Variants in NEB observed in about 807,000 individuals in gnomAD.
NEB encodes nebulin.
NEB carries 512 observed loss-of-function variants against 952.2 expected under a neutral mutation model. The observed-to-expected ratio is 0.54, with a 90% CI of 0.50 to 0.58. NEB has a LOEUF of 0.58. NEB is among the 20% of genes least tolerant of loss of function. The pLI is 0.00. For missense variants in NEB, 8,428 were observed against 9,231.1 expected (o/e 0.91, Z 3.56); for synonymous variants, 2,900 against 3,149.8 (o/e 0.92, Z 2.66).
intron 37 of NEB, 58 bp downstream of exon 37, chr2:151,672,311 G>T (rs2099311118): frequency 2.0e-5 from 29 of 1,442,568 alleles, no homozygotes; most frequent in Non-Finnish European, 2.7e-5. Flanking sequence ...TAATAAAAGC[G>T]AGAAGTGATC....
At chr2:151,656,521 T>A in intron 48 of NEB, 57 bp from the exon 49 acceptor site, 1 of 1,069,306 alleles carries the variant, frequency 9.4e-7, no homozygotes, top group Non-Finnish European at 1.3e-6. Flanking sequence ...AAAATCGATC[T>A]AGTGTCAATA....
At chr2:151,704,585 A>G (rs984851217) in intron 13 of NEB, among the ~76,000 whole-genome samples, 33 of 145,016 alleles carry the variant, frequency 2.3e-4, no homozygotes, top group Non-Finnish European at 1.1e-4. Flanking sequence ...TAAGCCGGTC[A>G]GAAAAGCGCA....
rs1256699377 is a variant in NEB at position 151,660,114 on chromosome 2, A to G, written c.5971-945T>C. On this transcript the variant is annotated intron_variant, in intron 46 of 181. Transcript: ENST00000397345. Reference sequence around the variant, plus strand: ...CCTTCCCAGATAACCACATTCAACAACTCATCGAAGTGGGGGTACAAAGAT... The same window carrying G: ...CCTTCCCAGATAACCACATTCAACAGCTCATCGAAGTGGGGGTACAAAGAT... Among the ~76,000 whole-genome samples the G allele has an allele frequency of 2.0e-5, 3 of 151,966 alleles. No individual in the cohort carries two copies. In the East Asian group the frequency reaches 5.8e-4, roughly 29 times the overall value.
chr2:151,724,500 C>G (rs897530946), intron 7 of NEB, 136 bp from the exon 8 acceptor site: 137 of 678,358 alleles, frequency 2.0e-4, no homozygotes, highest in Middle Eastern at 6.1e-4. Flanking sequence ...ATTGACCATG[C>G]CAACATCCTA....
At chr2:151,619,795 G>A in intron 72 of NEB, 33 bp from the exon 73 acceptor site, 3 of 1,572,978 alleles carry the variant, frequency 1.9e-6, no homozygotes, top group Non-Finnish European at 2.6e-6. Flanking sequence ...TAAGAAGGAA[G>A]CACAAAGGGC....
At position 151,524,399 on chromosome 2, in the gene NEB, T is replaced by A; in HGVS notation, c.22391A>T (p.Lys7464Met). 1 of 1,614,012 alleles carries A rather than the reference T, an allele frequency of 6.2e-7. No homozygotes were observed. Among genetic ancestry groups the A allele is most frequent in the Non-Finnish European group, 8.5e-7 (1 of 1,179,882 alleles). The change falls in exon 153 of 182, where the codon AAG becomes ATG. Residue 7464 changes from lysine to methionine, a missense_variant. This residue lies in a region of NEB where 3,374 missense variants were observed against 3,651.5 expected (regional missense o/e 0.92). Transcript: ENST00000397345. ...GCCATGGCTGCCTTCCTTGCGGTGC[T>A]TGGCTCTGTACTCCACCTGAATCAG... is the stretch of plus-strand genomic sequence containing the variant. ...KQASEVEYRA[K>M]HRKEGSHGLS...
chr2:151,684,711 C>T, intron 28 of NEB, 67 bp downstream of exon 28: 1 of 1,397,058 alleles, frequency 7.2e-7, no homozygotes, highest in African/African-American at 1.5e-5. Flanking sequence ...AAACCTCACT[C>T]AACTTCAAAG....
At chr2:151,519,984 T>C (rs561183277) in intron 153 of NEB, 1 of 388,368 alleles carries the variant, frequency 2.6e-6, no homozygotes. Flanking sequence ...CTGGCCTTGC[T>C]CATTTTTATA....
chr2:151,567,868 G>C (rs1305478502), intron 113 of NEB, among the ~76,000 whole-genome samples: 1 of 152,024 alleles, frequency 6.6e-6, no homozygotes, highest in Non-Finnish European at 1.5e-5. Context: ...GGGGTGGTGG[G>C]CGGGTGAAGA....
chr2:151,519,155 CAA>C (rs1016584935), intron 154 of NEB, 86 bp from the exon 155 acceptor site: 4 of 858,862 alleles, frequency 4.7e-6, no homozygotes, highest in Non-Finnish European at 7.8e-6. Flanking sequence ...AGCCCATCGT[CAA>C]ACAAATGCTG....
intron 27 of NEB, among the ~76,000 whole-genome samples, chr2:151,686,561 A>T (rs908483228): frequency 6.6e-6 from 1 of 152,196 alleles, no homozygotes; most frequent in South Asian, 2.1e-4. Context: ...AAAATTACAG[A>T]ATTAGAAGTT....
rs5835379 is a variant in NEB at position 151,717,855 on chromosome 2, C to CTTTTTTTTTTTTTTTTTTTTTTTT, written c.718-336_718-335insAAAAAAAAAAAAAAAAAAAAAAAA. On this transcript the variant is annotated intron_variant, in intron 9 of 181. Coordinates refer to ENST00000397345, the MANE Select transcript of NEB (RefSeq NM_001164508.2). ...GACTTGACCATATACCTCCTTTGTTCTTTTTTTTTTTTTTTTGAGACGGAG... is the reference window on the plus strand; with the variant it reads ...GACTTGACCATATACCTCCTTTGTTCTTTTTTTTTTTTTTTTTTTTTTTTTTTTTTTTTTTTTTTTGAGACGGAG... Among the ~76,000 whole-genome samples, 6 of 140,272 alleles carry CTTTTTTTTTTTTTTTTTTTTTTTT rather than the reference C, an allele frequency of 4.3e-5. 3 individuals carry two copies. The highest frequency in any genetic ancestry group is 3.0e-5 in the Non-Finnish European group (2 of 65,868). The allele number at this position is 140,272 out of a possible 152,430, so 92.0% of individuals were successfully genotyped here. A position where few individuals can be genotyped will look rare whatever the true frequency, so the allele number is the denominator to read the frequency against.
chr2:151,692,040 C>CTTA lies in NEB; in HGVS notation c.2106+18_2106+19insTAA. The CTTA allele has an allele frequency of 6.2e-7, 1 of 1,610,428 alleles. No individual in the cohort carries two copies. The highest frequency in any genetic ancestry group is 1.1e-5 in the South Asian group (1 of 90,980). On this transcript the variant is annotated intron_variant, in intron 22 of 181. Transcript: ENST00000397345. ...AAACAATGTCACTGTGAGGCATGAA[C>CTTA]CATTGTCTTCAAACTTACATCACTG...
Position 151,567,312 on chromosome 2 carries a change from A to G in NEB, c.18012T>C (p.Ala6004=), listed in dbSNP as rs760396389. ...HKTKAKINIP[A]DMVSVLAAKQ... ...TGGCGGCCAAGACTGACACCATATC[A>G]GCAGGTATATTGATTTTGGCCTTTG... The change falls in exon 114 of 182, where the codon GCT becomes GCC. Residue 6004 remains alanine (A), a synonymous_variant. Coordinates refer to ENST00000397345, the MANE Select transcript of NEB (RefSeq NM_001164508.2). 19 of 1,613,822 alleles carry G rather than the reference A, an allele frequency of 1.2e-5. No homozygotes were observed. Among genetic ancestry groups the G allele is most frequent in the Admixed American group, 1.7e-5 (1 of 59,984 alleles).
rs746415512 is a variant in NEB, at chr2:151,563,677, G to GGTA, written c.18619_18621dup (p.Tyr6207dup). On this transcript the variant is annotated inframe_insertion, in exon 119 of 182. Coordinates refer to ENST00000397345, the MANE Select transcript of NEB (RefSeq NM_001164508.2). ...AATTCACCGATCACTTTTCCAGCCAGGTAGTGACCTTTCTGCTTCTCATAT... is the reference window on the plus strand; with the variant it reads ...AATTCACCGATCACTTTTCCAGCCAGGTAGTAGTGACCTTTCTGCTTCTCATAT... 1.2e-6 allele frequency: 2 copies of GGTA among 1,613,876 alleles called. No homozygotes were observed. The highest frequency in any genetic ancestry group is 1.7e-6 in the Non-Finnish European group (2 of 1,179,788).
chr2:151,724,805 G>A, intron 7 of NEB, 52 bp downstream of exon 7: 3 of 1,464,610 alleles, frequency 2.0e-6, no homozygotes, highest in Non-Finnish European at 2.8e-6. Context: ...AGACAATGCA[G>A]AGGTGATGCA....
chr2:151,601,617 C>T (rs1289950587), intron 88 of NEB, among the ~76,000 whole-genome samples: 1 of 62,272 alleles, frequency 1.6e-5, no homozygotes, highest in Non-Finnish European at 3.0e-5. Context: ...ACAGAATTCT[C>T]TGTACTATGA....
intron 143 of NEB, among the ~76,000 whole-genome samples, chr2:151,532,476 A>G (rs1485005358): frequency 2.0e-5 from 3 of 152,210 alleles, no homozygotes; most frequent in African/African-American, 7.2e-5. Flanking sequence ...TAAAAAATTC[A>G]TTTGTTTTTG....
intron 173 of NEB, among the ~76,000 whole-genome samples, 187 bp downstream of exon 173, chr2:151,496,089 G>T (rs1559191265): frequency 6.6e-6 from 1 of 152,172 alleles, no homozygotes; most frequent in Non-Finnish European, 1.5e-5. Context: ...GAACTTTATG[G>T]ATTAAAGCAA....
Sources: allele counts gnomAD v4.1 joint callset (sites outside exome capture counted in the v4.1 genomes callset), GRCh38; gene constraint gnomAD v4.1.1; regional missense constraint gnomAD v4.1.1; transcripts MANE v1.5; gene names NCBI Gene and HGNC (gene_info 2026-07-23, HGNC 2026-07-21).